PHACTR1: variants seen among roughly 807,000 people sequenced by gnomAD.
PHACTR1 encodes RPEL repeat containing 1.
Under a neutral mutation model 69.2 loss-of-function variants are expected in PHACTR1, and 16 were observed. That is an observed-to-expected ratio of 0.23 (90% CI 0.16 to 0.35). The LOEUF (loss-of-function observed/expected upper bound fraction) is 0.35, where lower values mean the gene tolerates loss of function less well. PHACTR1 is among the 10% of genes least tolerant of loss of function. The probability of loss-of-function intolerance (pLI) is 1.00; values close to 1 mark genes in which losing one functional copy is unlikely to be tolerated. For synonymous variants in PHACTR1, 312 were observed against 284.5 expected (o/e 1.10, Z -0.97); for missense variants, 510 against 734.7 (o/e 0.69, Z 3.54).
intron 4 of PHACTR1, among the ~76,000 whole-genome samples, chr6:12,767,797 C>T (rs1768831445): frequency 6.6e-6 from 1 of 152,076 alleles, no homozygotes; most frequent in Non-Finnish European, 1.5e-5. Context: ...AAGAAAATAT[C>T]CACAGGATGG....
intron 13 of PHACTR1, among the ~76,000 whole-genome samples, chr6:13,285,180 T>A (rs1781398793): frequency 6.6e-6 from 1 of 152,216 alleles, no homozygotes; most frequent in Non-Finnish European, 1.5e-5. Flanking sequence ...GAGTAGCTCT[T>A]AGGCCGAAAA....
intron 5 of PHACTR1, among the ~76,000 whole-genome samples, chr6:13,123,238 C>T (rs1819016825): frequency 6.6e-6 from 1 of 152,168 alleles, no homozygotes; most frequent in African/African-American, 2.4e-5. Flanking sequence ...GCCTTTCTCC[C>T]CTCTGCATGG....
chr6:12,743,202 A>AC (rs201012849), intron 3 of PHACTR1, among the ~76,000 whole-genome samples: 2,695 of 151,926 alleles, frequency 0.018, 29 homozygotes, highest in Middle Eastern at 0.031. Context: ...AAAAAAAAAA[A>AC]AAACAAACGT....
chr6:12,793,230 A>G (rs574610794), intron 4 of PHACTR1, among the ~76,000 whole-genome samples: 1 of 152,326 alleles, frequency 6.6e-6, no homozygotes, highest in East Asian at 1.9e-4. Context: ...CTTATGCGAG[A>G]GTTGGCAACC....
intron 4 of PHACTR1, among the ~76,000 whole-genome samples, chr6:12,830,333 G>GA (rs11434951): frequency 0.42 from 57,961 of 139,648 alleles, 11,533 homozygotes; most frequent in Middle Eastern, 0.49. Flanking sequence ...AAGGGCTTTA[G>GA]AAAAAAAAAA....
chr6:12,816,490 T>C (rs1450132274), intron 4 of PHACTR1, among the ~76,000 whole-genome samples: 1 of 152,212 alleles, frequency 6.6e-6, no homozygotes, highest in Admixed American at 6.5e-5. Context: ...CTCTGAGACA[T>C]GTTAATCTTT....
intron 4 of PHACTR1, among the ~76,000 whole-genome samples, chr6:12,927,455 A>G (rs1582529324): frequency 1.3e-5 from 2 of 152,228 alleles, no homozygotes; most frequent in East Asian, 3.8e-4. Flanking sequence ...CTTATATTGT[A>G]GGAACAACTC....
rs761850943 is a variant in PHACTR1 at position 13,141,529 on chromosome 6, A to G, written c.416-18675A>G. On this transcript the variant is annotated intron_variant, in intron 5 of 14. Transcript: ENST00000332995. ...AAATCAGAAGTTGCAGTCACAAAAAACTAGTGGAGAAGTCTGGGTGCTCAT... is the reference window on the plus strand; with the variant it reads ...AAATCAGAAGTTGCAGTCACAAAAAGCTAGTGGAGAAGTCTGGGTGCTCAT... Among the ~76,000 whole-genome samples, 151 of 152,306 alleles carry G rather than the reference A, an allele frequency of 9.9e-4. 1 individual carries two copies. Among genetic ancestry groups the G allele is most frequent in the Middle Eastern group, 3.4e-3 (1 of 294 alleles).
chr6:12,903,111 G>A (rs1015867229), intron 4 of PHACTR1, among the ~76,000 whole-genome samples: 1 of 152,148 alleles, frequency 6.6e-6, no homozygotes, highest in Non-Finnish European at 1.5e-5. Context: ...CCTGCTTTCG[G>A]CTCCCAGCTC....
intron 14 of PHACTR1, among the ~76,000 whole-genome samples, chr6:13,286,789 C>CA (rs1781778426): frequency 6.6e-6 from 1 of 152,192 alleles, no homozygotes; most frequent in African/African-American, 2.4e-5. Flanking sequence ...TAGGATATAG[C>CA]AAGTATTTAG....
intron 10 of PHACTR1, among the ~76,000 whole-genome samples, chr6:13,261,743 C>T (rs1384204214): frequency 1.3e-5 from 2 of 152,190 alleles, no homozygotes; most frequent in Non-Finnish European, 2.9e-5. Flanking sequence ...TATTGTTGCA[C>T]ACTGTAGGAC....
chr6:13,072,729 CT>C (rs1370835888), intron 5 of PHACTR1, among the ~76,000 whole-genome samples: 2 of 152,174 alleles, frequency 1.3e-5, no homozygotes, highest in East Asian at 3.9e-4. Context: ...TTTATTTGTA[CT>C]TTTTTTCTTT....
chr6:13,050,339 T>G (rs1322352121), intron 4 of PHACTR1, among the ~76,000 whole-genome samples: 1 of 152,168 alleles, frequency 6.6e-6, no homozygotes, highest in East Asian at 1.9e-4. Context: ...TTTATCTTCC[T>G]CCTTTAGCCT....
intron 5 of PHACTR1, among the ~76,000 whole-genome samples, chr6:13,144,418 T>G (rs1035428328): frequency 6.6e-6 from 1 of 152,182 alleles, no homozygotes; most frequent in Non-Finnish European, 1.5e-5. Flanking sequence ...CAACACATAT[T>G]GAAAATAATT....
intron 4 of PHACTR1, among the ~76,000 whole-genome samples, chr6:12,790,519 A>G (rs949938189): frequency 1.3e-5 from 2 of 152,184 alleles, no homozygotes; most frequent in Non-Finnish European, 2.9e-5. Flanking sequence ...TTGCTTTCGC[A>G]TTGTTCATTG....
chr6:13,227,038 A>G (rs910624680), intron 8 of PHACTR1, among the ~76,000 whole-genome samples: 7 of 151,092 alleles, frequency 4.6e-5, no homozygotes, highest in East Asian at 1.9e-4. Flanking sequence ...GCCCAGCAGT[A>G]TAGCTTTTTT....
intron 5 of PHACTR1, among the ~76,000 whole-genome samples, chr6:13,149,947 A>G (rs993965983): frequency 1.3e-5 from 2 of 151,842 alleles, no homozygotes. Context: ...TCCCTGATTT[A>G]GATAGAAGTT....
At chr6:13,003,040 G>T (rs1798279148) in intron 4 of PHACTR1, among the ~76,000 whole-genome samples, 1 of 152,144 alleles carries the variant, frequency 6.6e-6, no homozygotes, top group Non-Finnish European at 1.5e-5. Flanking sequence ...GGACAGATTT[G>T]AAGGTTTATC....
At chr6:13,074,489 AC>A (rs745578418) in intron 5 of PHACTR1, among the ~76,000 whole-genome samples, 29 of 152,324 alleles carry the variant, frequency 1.9e-4, no homozygotes, top group Non-Finnish European at 3.5e-4. Context: ...AGATGCACTT[AC>A]CCTTGACCTT....
Sources: allele counts gnomAD v4.1 joint callset (sites outside exome capture counted in the v4.1 genomes callset), GRCh38; gene constraint gnomAD v4.1.1; transcripts MANE v1.5; gene names NCBI Gene and HGNC (gene_info 2026-07-23, HGNC 2026-07-21).